The following CNTNAP5 variants were observed in gnomAD, a reference collection of about 807,000 sequenced individuals.
CNTNAP5 encodes contactin associated protein family member 5.
CNTNAP5 carries 72 observed loss-of-function variants against 150.2 expected under a neutral mutation model. The observed-to-expected ratio is 0.48, with a 90% CI of 0.40 to 0.58. CNTNAP5 has a LOEUF of 0.58. Among genes scored for constraint, CNTNAP5 ranks in the 20% least tolerant of loss-of-function variants. CNTNAP5 has a pLI of 0.00. For synonymous variants in CNTNAP5, 672 were observed against 619.8 expected (o/e 1.08, Z -1.25); for missense variants, 1,636 against 1,626.2 (o/e 1.01, Z -0.10).
intron 4 of CNTNAP5, among the ~76,000 whole-genome samples, chr2:124,423,652 CT>C (rs1187961580): frequency 7.2e-4 from 30 of 41,586 alleles, no homozygotes; most frequent in African/African-American, 2.7e-3. Context: ...GGCTAATTAA[CT>C]TTTTTTTTTT....
chr2:124,782,595 CA>C (rs1439480162), intron 17 of CNTNAP5, among the ~76,000 whole-genome samples: 2 of 151,856 alleles, frequency 1.3e-5, no homozygotes, highest in Admixed American at 6.6e-5. Flanking sequence ...CAATTGCTCA[CA>C]TTTTTTTTTC....
chr2:124,126,637 G>A (rs1156715870), intron 1 of CNTNAP5, among the ~76,000 whole-genome samples: 2 of 152,166 alleles, frequency 1.3e-5, no homozygotes, highest in Non-Finnish European at 2.9e-5. Context: ...TATCCCTGAT[G>A]AACATCAACG....
At chr2:124,228,439 G>A (rs1305696513) in intron 2 of CNTNAP5, among the ~76,000 whole-genome samples, 1 of 152,096 alleles carries the variant, frequency 6.6e-6, no homozygotes, top group Non-Finnish European at 1.5e-5. Context: ...CAGTCAACTT[G>A]ACACCTAATA....
intron 1 of CNTNAP5, among the ~76,000 whole-genome samples, chr2:124,047,174 G>T (rs1370560059): frequency 6.6e-6 from 1 of 152,140 alleles, no homozygotes; most frequent in African/African-American, 2.4e-5. Context: ...ATCTATTAGT[G>T]CCTTAATCTT....
chr2:124,299,162 G>A lies in CNTNAP5; in HGVS notation c.381+56769G>A, dbSNP rs547717507. On this transcript the variant is annotated intron_variant, in intron 3 of 23. Coordinates refer to ENST00000682447, the MANE Select transcript of CNTNAP5 (RefSeq NM_001367498.1). ...TCACAGATTAAATCCCAGGTTCCAC[G>A]CAGGAAGAGGAGGGGCCAGGCTCTT... Among the ~76,000 whole-genome samples, 6 of 152,252 alleles carry A rather than the reference G, an allele frequency of 3.9e-5. No homozygotes were observed. The East Asian group carries it at 5.8e-4, about 15-fold the overall frequency.
At chr2:124,697,771 C>CA (rs1455878186) in intron 13 of CNTNAP5, among the ~76,000 whole-genome samples, 1 of 152,148 alleles carries the variant, frequency 6.6e-6, no homozygotes, top group Non-Finnish European at 1.5e-5. Context: ...TATCCTTGCA[C>CA]AATTACTTTA....
chr2:124,103,356 G>A (rs1683105971), intron 1 of CNTNAP5, among the ~76,000 whole-genome samples: 1 of 151,728 alleles, frequency 6.6e-6, no homozygotes, highest in African/African-American at 2.4e-5. Context: ...TAAGTGTAGG[G>A]TAGGCTAAGT....
intron 3 of CNTNAP5, among the ~76,000 whole-genome samples, chr2:124,352,848 T>C (rs1461554438): frequency 2.0e-5 from 3 of 152,186 alleles, no homozygotes; most frequent in Non-Finnish European, 4.4e-5. Flanking sequence ...ATCCATGAAT[T>C]GACCCCTTCT....
At chr2:124,433,701 G>GA (rs952728118) in intron 4 of CNTNAP5, among the ~76,000 whole-genome samples, 319 of 149,174 alleles carry the variant, frequency 2.1e-3, no homozygotes, top group African/African-American at 4.8e-3. Flanking sequence ...TAAAAAAATA[G>GA]AAAAAAAAAC....
chr2:124,473,960 T>C (rs531457044), intron 6 of CNTNAP5, among the ~76,000 whole-genome samples: 1 of 152,176 alleles, frequency 6.6e-6, no homozygotes, highest in East Asian at 1.9e-4. Flanking sequence ...TTGGTGCAAA[T>C]GTAATTGCGG....
chr2:124,337,781 G>T (rs1689511799), intron 3 of CNTNAP5, among the ~76,000 whole-genome samples: 1 of 151,956 alleles, frequency 6.6e-6, no homozygotes. Flanking sequence ...CTGTAGCCTT[G>T]TAGTATAGTT....
At position 124,260,588 on chromosome 2, in the gene CNTNAP5, G is replaced by A. The variant is rs556343821; in HGVS notation, c.381+18195G>A. ...CATCAGAGTGAATAGGCAACCTACA[G>A]AAGGGGAGAAAATTTTTGCAATCTA... On this transcript the variant is annotated intron_variant, in intron 3 of 23. Transcript: ENST00000682447. Among the ~76,000 whole-genome samples the A allele has an allele frequency of 2.0e-3, 308 of 152,320 alleles. 1 individual carries two copies. The highest frequency in any genetic ancestry group is 5.5e-3 in the Admixed American group (84 of 15,294).
chr2:124,763,886 G>T (rs1162237098), intron 15 of CNTNAP5, 87 bp downstream of exon 15: 3 of 1,593,344 alleles, frequency 1.9e-6, no homozygotes, highest in South Asian at 1.1e-5. Flanking sequence ...CCTGCAGTGT[G>T]CCCTAGTCTT....
intron 1 of CNTNAP5, among the ~76,000 whole-genome samples, chr2:124,056,178 G>C (rs1021574079): frequency 6.6e-5 from 10 of 152,114 alleles, no homozygotes; most frequent in African/African-American, 2.4e-4. Flanking sequence ...CCACTTATTG[G>C]ATACAAGTTC....
At chr2:124,139,679 A>G (rs1202932117) in intron 1 of CNTNAP5, among the ~76,000 whole-genome samples, 1 of 152,176 alleles carries the variant, frequency 6.6e-6, no homozygotes. Flanking sequence ...TCATTAGTGC[A>G]CACTGTTGCT....
intron 8 of CNTNAP5, among the ~76,000 whole-genome samples, chr2:124,505,459 T>C (rs147374098): frequency 1.3e-5 from 2 of 152,214 alleles, no homozygotes; most frequent in African/African-American, 4.8e-5. Context: ...TTAAAAAATA[T>C]ATATGTATAC....
At chr2:124,885,712 A>G (rs1168023918) in intron 21 of CNTNAP5, among the ~76,000 whole-genome samples, 2 of 151,990 alleles carry the variant, frequency 1.3e-5, no homozygotes, top group African/African-American at 2.4e-5. Context: ...AAATGGAACC[A>G]TACAATTTGT....
chr2:124,798,738 G>A (rs1336185413), intron 19 of CNTNAP5, among the ~76,000 whole-genome samples: 1 of 152,148 alleles, frequency 6.6e-6, no homozygotes, highest in Non-Finnish European at 1.5e-5. Context: ...TGTATTAATA[G>A]AAGGCAATTG....
At chr2:124,748,249 T>A (rs1573590858) in intron 14 of CNTNAP5, among the ~76,000 whole-genome samples, 1 of 152,190 alleles carries the variant, frequency 6.6e-6, no homozygotes, top group Non-Finnish European at 1.5e-5. Context: ...ATTGCAGAGA[T>A]GTTAAATAAT....
Sources: allele counts gnomAD v4.1 joint callset (sites outside exome capture counted in the v4.1 genomes callset), GRCh38; gene constraint gnomAD v4.1.1; transcripts MANE v1.5; gene names NCBI Gene and HGNC (gene_info 2026-07-23, HGNC 2026-07-21).